Variants in DCLK3 observed in about 807,000 individuals in gnomAD.
DCLK3 encodes the protein doublecortin like kinase 3.
In DCLK3, 30 loss-of-function variants were observed where a neutral mutation model predicts 46.4. That is an observed-to-expected ratio of 0.65 (90% CI 0.48 to 0.88). The LOEUF (loss-of-function observed/expected upper bound fraction) is 0.88. Among genes scored for constraint, DCLK3 ranks in the 40% least tolerant of loss-of-function variants. DCLK3 has a pLI of 0.00. For synonymous variants in DCLK3, 401 were observed against 339.2 expected, an observed-to-expected ratio of 1.18 and a Z score of -2.00; for missense variants, 846 against 907.1, an observed-to-expected ratio of 0.93 and a Z score of 0.87.
At position 36,738,068 on chromosome 3, in the gene DCLK3, A is replaced by G; in HGVS notation, c.1099T>C (p.Trp367Arg). The G allele has an allele frequency of 6.2e-7, 1 of 1,612,654 alleles. No homozygotes were observed. Among genetic ancestry groups the G allele is most frequent in the Non-Finnish European group, 8.5e-7 (1 of 1,179,572 alleles). ...CTGCTCCTGTGGCTGTCACCCTTCC[A>G]CCCTTCCTCCCCACTTGCAGGATTT... ...EANPASGEEG[W>R]KGDSHRSSPR... Residue 367 changes from tryptophan to arginine, a missense_variant, in exon 2 of 5, where the codon TGG becomes CGG. Physicochemically the swap from Trp to Arg is moderately radical, Grantham distance 101 (BLOSUM62 -3). Transcript: ENST00000636136.
At chr3:36,750,078 T>C (rs1701426180) in intron 1 of DCLK3, among the ~76,000 whole-genome samples, 2 of 152,202 alleles carry the variant, frequency 1.3e-5, no homozygotes, top group Admixed American at 6.5e-5. Context: ...TTCTTCTTTG[T>C]TTCTTTTCAT....
intron 1 of DCLK3, among the ~76,000 whole-genome samples, chr3:36,759,897 A>T (rs560877513): frequency 6.6e-6 from 1 of 152,226 alleles, no homozygotes; most frequent in South Asian, 2.1e-4. Context: ...TCACCATATC[A>T]TAATCGTACA....
At chr3:36,732,271 C>T (rs942575778) in intron 2 of DCLK3, among the ~76,000 whole-genome samples, 1 of 152,194 alleles carries the variant, frequency 6.6e-6, no homozygotes, top group African/African-American at 2.4e-5. Flanking sequence ...AAGTAACTTA[C>T]AGAGGAAAGA....
At chr3:36,744,328 A>G (rs1327565160) in intron 1 of DCLK3, among the ~76,000 whole-genome samples, 1 of 152,358 alleles carries the variant, frequency 6.6e-6, no homozygotes, top group South Asian at 2.1e-4. Flanking sequence ...ACATTAGATA[A>G]GTGAGGTGAA....
intron 2 of DCLK3, chr3:36,729,657 G>A (rs897781028): frequency 1.3e-4 from 20 of 152,282 alleles, no homozygotes; most frequent in Admixed American, 7.2e-4. Flanking sequence ...ACAGAAGATG[G>A]AAGCAGAGTA....
chr3:36,738,189 A>G lies in DCLK3; in HGVS notation c.978T>C (p.Leu326=), dbSNP rs1227294586. The change falls in exon 2 of 5, where the codon CTT becomes CTC. Residue 326 remains leucine, a synonymous_variant. Coordinates refer to ENST00000636136, the MANE Select transcript of DCLK3 (RefSeq NM_001394672.2). ...ELQQSLERER[L]SLGTSELDMG... is the part of the protein sequence containing the mutation. Reference sequence around the variant, plus strand: ...TATCCAGCTCACTGGTCCCCAGAGAAAGCCTCTCACGCTCCAGGCTCTGCT... The same window carrying G: ...TATCCAGCTCACTGGTCCCCAGAGAGAGCCTCTCACGCTCCAGGCTCTGCT... 6.2e-7 allele frequency: 1 copy of G among 1,613,650 alleles called. No homozygotes were observed. The highest frequency in any genetic ancestry group is 1.7e-5 in the Admixed American group (1 of 59,950).
intron 2 of DCLK3, among the ~76,000 whole-genome samples, chr3:36,735,727 A>T (rs924077786): frequency 6.6e-6 from 1 of 152,192 alleles, no homozygotes; most frequent in South Asian, 2.1e-4. Context: ...CTTACTCATG[A>T]TACTCACCTT....
At chr3:36,753,085 T>TA (rs1407172331) in intron 1 of DCLK3, among the ~76,000 whole-genome samples, 4 of 152,166 alleles carry the variant, frequency 2.6e-5, no homozygotes, top group Non-Finnish European at 5.9e-5. Context: ...AGGATATGAC[T>TA]ATTACTGGCT....
intron 2 of DCLK3, among the ~76,000 whole-genome samples, chr3:36,734,047 A>G (rs1165022749): frequency 1.3e-5 from 2 of 152,258 alleles, no homozygotes; most frequent in African/African-American, 4.8e-5. Context: ...GTTTGACAAT[A>G]TAAAGCTTAT....
chr3:36,739,416 C>G (rs1054001813), intron 1 of DCLK3, among the ~76,000 whole-genome samples: 1 of 152,146 alleles, frequency 6.6e-6, no homozygotes, highest in African/African-American at 2.4e-5. Context: ...CCCATAATTC[C>G]CATGTATTGT....
intron 2 of DCLK3, among the ~76,000 whole-genome samples, chr3:36,734,278 G>A (rs373956478): frequency 6.6e-6 from 1 of 152,044 alleles, no homozygotes; most frequent in Admixed American, 6.6e-5. Context: ...ACCAAAAAGC[G>A]CTGACATCAG....
intron 1 of DCLK3, among the ~76,000 whole-genome samples, chr3:36,751,294 CCTGAGTACAACACATCT>C (rs1307494341): frequency 6.6e-6 from 1 of 152,146 alleles, no homozygotes; most frequent in Non-Finnish European, 1.5e-5. Context: ...TAATACCCAC[CCTGAGTACAACACATCT>C]CTGCTGGTGG....
intron 1 of DCLK3, among the ~76,000 whole-genome samples, chr3:36,762,395 G>GA (rs1701547557): frequency 1.3e-5 from 2 of 152,140 alleles, no homozygotes; most frequent in East Asian, 3.9e-4. Context: ...ATATTCCTAG[G>GA]AAAAAATGGT....
intron 2 of DCLK3, among the ~76,000 whole-genome samples, chr3:36,724,107 G>A (rs1701096245): frequency 6.6e-6 from 1 of 152,232 alleles, no homozygotes; most frequent in Non-Finnish European, 1.5e-5. Flanking sequence ...GAGACCTGGA[G>A]TCAAAAGAGA....
rs766413082 is a variant in DCLK3 at position 36,738,085 on chromosome 3, G to A, written c.1082C>T (p.Ala361Val). 2 of 1,613,402 alleles carry A rather than the reference G, an allele frequency of 1.2e-6. No homozygotes were observed. The highest frequency in any genetic ancestry group is 1.7e-6 in the Non-Finnish European group (2 of 1,179,802). ...SCRRSPEANP[A>V]SGEEGWKGDS... is the part of the protein sequence containing the mutation. The stretch of plus-strand genomic sequence containing the variant: ...ACCCTTCCACCCTTCCTCCCCACTT[G>A]CAGGATTTGCCTCGGGAGACCTCCT... Residue 361 changes from alanine to valine, a missense_variant, in exon 2 of 5, where the codon GCA becomes GTA. Coordinates refer to ENST00000636136, the MANE Select transcript of DCLK3 (RefSeq NM_001394672.2).
chr3:36,743,301 TA>T (rs1559392833), intron 1 of DCLK3, among the ~76,000 whole-genome samples: 1 of 119,516 alleles, frequency 8.4e-6, no homozygotes, highest in African/African-American at 3.1e-5. Flanking sequence ...CTCCTTGAAA[TA>T]AAAAAATAAA....
At chr3:36,739,250 C>T (rs1366458392) in intron 1 of DCLK3, among the ~76,000 whole-genome samples, 166 bp from the exon 2 acceptor site, 2 of 152,120 alleles carry the variant, frequency 1.3e-5, no homozygotes, top group East Asian at 3.9e-4. Flanking sequence ...AGGTCTAATT[C>T]CCAGTCTCCT....
intron 1 of DCLK3, among the ~76,000 whole-genome samples, chr3:36,757,593 A>C (rs867582270): frequency 2.6e-5 from 4 of 152,184 alleles, no homozygotes; most frequent in Non-Finnish European, 5.9e-5. Flanking sequence ...AAATCATCTT[A>C]ATGAGCACTA....
At chr3:36,729,373 A>G (rs1162776059) in intron 2 of DCLK3, among the ~76,000 whole-genome samples, 2 of 151,650 alleles carry the variant, frequency 1.3e-5, no homozygotes, top group African/African-American at 4.8e-5. Context: ...GCTGGGGCTC[A>G]TTTTCGGTTG....
Sources: gnomAD v4.1 joint callset for allele counts (sites outside exome capture counted in the v4.1 genomes callset) on GRCh38, gnomAD v4.1.1 for gene constraint, MANE v1.5 for transcripts, NCBI Gene and HGNC (gene_info 2026-07-23, HGNC 2026-07-21) for gene names.